The following TMEM225B variants were observed in gnomAD, a reference collection of about 807,000 sequenced individuals.
TMEM225B encodes transmembrane protein 225-like.
TMEM225B carries 10 observed loss-of-function variants against 16.9 expected under a neutral mutation model. The observed-to-expected ratio is 0.59, with a 90% CI of 0.36 to 1.00. The LOEUF is 1.00. Ranked by LOEUF, TMEM225B falls within the 50% of genes least tolerant of loss-of-function variation. TMEM225B has a pLI of 0.01. For synonymous variants in TMEM225B, 92 were observed against 109.8 expected, an observed-to-expected ratio of 0.84 and a Z score of 1.01; for missense variants, 217 against 267.0, an observed-to-expected ratio of 0.81 and a Z score of 1.30.
intron 2 of TMEM225B, among the ~76,000 whole-genome samples, chr7:99,602,843 G>T (rs1455713308): frequency 6.6e-6 from 1 of 152,056 alleles, no homozygotes; most frequent in African/African-American, 2.4e-5. Context: ...CTCCCAAGTA[G>T]CTGGGAACTA....
At position 99,610,957 on chromosome 7, in the gene TMEM225B, T is replaced by C. The variant is rs940312889; in HGVS notation, c.*392T>C. ...AGAATATACTCGGGGGAATGACAAC[T>C]ATTTGGGCTGGTGGCACAGGGGTAA... On this transcript the variant is annotated 3_prime_UTR_variant, in exon 6 of 6. Coordinates refer to ENST00000431679, the MANE Select transcript of TMEM225B (RefSeq NM_001195541.3). The C allele has an allele frequency of 6.1e-6, 1 of 162,996 alleles. No homozygotes were observed. The allele number at this position is 162,996 out of a possible 1,614,324, so 10.1% of individuals were successfully genotyped here. A position where few individuals can be genotyped will look rare whatever the true frequency, so the allele number is the denominator to read the frequency against.
At chr7:99,603,597 C>T (rs1805535548) in intron 2 of TMEM225B, among the ~76,000 whole-genome samples, 1 of 151,450 alleles carries the variant, frequency 6.6e-6, no homozygotes, top group African/African-American at 2.4e-5. Flanking sequence ...GAGGCTGAGG[C>T]AGGAGTATTG....
chr7:99,608,858 T>TATATATACAC, intron 5 of TMEM225B, among the ~76,000 whole-genome samples: 1 of 144,436 alleles, frequency 6.9e-6, no homozygotes, highest in African/African-American at 2.8e-5. Context: ...TATATATATA[T>TATATATACAC]ACACACACAC....
Position 99,611,045 on chromosome 7 carries a change from A to G in TMEM225B, c.*480A>G, listed in dbSNP as rs11763421. The stretch of plus-strand genomic sequence containing the variant: ...GATTTATTAAAGGAAGTATAAAAGT[A>G]CATTGCCGGGCTGGGCGTGGTGGCT... On this transcript the variant is annotated 3_prime_UTR_variant, in exon 6 of 6. Coordinates refer to ENST00000431679, the MANE Select transcript of TMEM225B (RefSeq NM_001195541.3). Among the ~76,000 whole-genome samples, 4 of 152,242 alleles carry G rather than the reference A, an allele frequency of 2.6e-5. 1 individual carries two copies. The East Asian group carries it at 7.7e-4, about 29-fold the overall frequency.
At chr7:99,608,694 C>G (rs1217244978) in intron 5 of TMEM225B, among the ~76,000 whole-genome samples, 1 of 145,798 alleles carries the variant, frequency 6.9e-6, no homozygotes, top group African/African-American at 2.6e-5. Context: ...CATGTGCCAC[C>G]ATGGCCAGCT....
chr7:99,600,084 G>A (rs919227826), intron 1 of TMEM225B, 121 bp from the exon 2 acceptor site: 3 of 647,708 alleles, frequency 4.6e-6, no homozygotes, highest in Non-Finnish European at 5.6e-6. Flanking sequence ...AGTGGAGGGG[G>A]CAGTGGGAAT....
At chr7:99,603,326 A>C (rs1805511814) in intron 2 of TMEM225B, among the ~76,000 whole-genome samples, 1 of 152,200 alleles carries the variant, frequency 6.6e-6, no homozygotes, top group African/African-American at 2.4e-5. Context: ...CTGAAATCCC[A>C]AAAGGAAGAC....
intron 3 of TMEM225B, among the ~76,000 whole-genome samples, chr7:99,606,197 A>G (rs1805797135): frequency 6.6e-6 from 1 of 152,244 alleles, no homozygotes; most frequent in Non-Finnish European, 1.5e-5. Flanking sequence ...TGAGAGGCCA[A>G]AATGGGAGGA....
chr7:99,610,912 A>C lies in TMEM225B; in HGVS notation c.*347A>C. 4.7e-6 allele frequency: 1 copy of C among 212,856 alleles called. No homozygotes were observed. The highest frequency in any genetic ancestry group is 9.7e-6 in the Non-Finnish European group (1 of 103,622). 13.2% of individuals were successfully genotyped at this position (212,856 alleles called of 1,614,324 possible). A position where few individuals can be genotyped will look rare whatever the true frequency, so the allele number is the denominator to read the frequency against. ...ACCAAGTGAAATGGGATTTTGTGAA[A>C]CAGAAACCGTACAGAATACAGAATA... On this transcript the variant is annotated 3_prime_UTR_variant, in exon 6 of 6. Coordinates refer to ENST00000431679, the MANE Select transcript of TMEM225B (RefSeq NM_001195541.3).
Position 99,604,400 on chromosome 7 carries a change from A to G in TMEM225B, c.12A>G (p.Leu4=), listed in dbSNP as rs1805617908. The G allele has an allele frequency of 6.5e-7, 1 of 1,535,818 alleles. No homozygotes were observed. The highest frequency in any genetic ancestry group is 2.0e-5 in the Admixed American group (1 of 50,968). MLT[L]EDKDMKGFSW... ...CTCTTACACAGGTGATGCTGACGTT[A>G]GAGGACAAGGACATGAAGGGATTCT... The change falls in exon 3 of 6, where the codon TTA becomes TTG. Residue 4 remains leucine, a synonymous_variant. Coordinates refer to ENST00000431679, the MANE Select transcript of TMEM225B (RefSeq NM_001195541.3).
intron 2 of TMEM225B, among the ~76,000 whole-genome samples, chr7:99,602,809 C>T (rs1008576131): frequency 2.0e-5 from 3 of 152,120 alleles, no homozygotes; most frequent in Admixed American, 1.3e-4. Context: ...AACTCCTGGG[C>T]TCAAGAGTTC....
At chr7:99,610,240 C>G (rs118155115) in intron 5 of TMEM225B, among the ~76,000 whole-genome samples, 153 bp from the exon 6 acceptor site, 1 of 152,102 alleles carries the variant, frequency 6.6e-6, no homozygotes, top group Non-Finnish European at 1.5e-5. Context: ...ACTTCTTGTC[C>G]TTTGACGCAT....
intron 3 of TMEM225B, among the ~76,000 whole-genome samples, chr7:99,605,273 T>C (rs1052550736): frequency 1.3e-5 from 2 of 152,120 alleles, no homozygotes; most frequent in Admixed American, 1.3e-4. Flanking sequence ...TCTGTTATTG[T>C]TGTTGCTTTT....
Position 99,610,604 on chromosome 7 carries a change from G to A in TMEM225B, c.*39G>A. 2 of 1,527,042 alleles carry A rather than the reference G, an allele frequency of 1.3e-6. No homozygotes were observed. The highest frequency in any genetic ancestry group is 1.8e-6 in the Non-Finnish European group (2 of 1,139,240). 94.6% of individuals were successfully genotyped at this position (1,527,042 alleles called of 1,614,324 possible). A position where few individuals can be genotyped will look rare whatever the true frequency, so the allele number is the denominator to read the frequency against. The stretch of plus-strand genomic sequence containing the variant: ...TTCTTTACCCTTCTTCAAGCCATGT[G>A]AGTGTACACATGTAGCTGTTTGTAG... On this transcript the variant is annotated 3_prime_UTR_variant, in exon 6 of 6. Transcript: ENST00000431679.
chr7:99,600,373 G>T, intron 2 of TMEM225B, 88 bp downstream of exon 2: 1 of 690,408 alleles, frequency 1.4e-6, no homozygotes, highest in East Asian at 2.7e-5. Context: ...CAGGGGAGTG[G>T]GGTTTGGAAA....
Position 99,610,639 on chromosome 7 carries a change from C to A in TMEM225B, c.*74C>A. On this transcript the variant is annotated 3_prime_UTR_variant, in exon 6 of 6. Transcript: ENST00000431679. ...ATGTAGCTGTTTGTAGTCCTCCCCA[C>A]CCTCTCTGCCAGTATCTGTGCCTTT... 2 of 1,341,928 alleles carry A rather than the reference C, an allele frequency of 1.5e-6. No individual in the cohort carries two copies. Among genetic ancestry groups the A allele is most frequent in the South Asian group, 1.3e-5 (1 of 74,158 alleles). 83.1% of individuals were successfully genotyped at this position (1,341,928 alleles called of 1,614,324 possible). A position where few individuals can be genotyped will look rare whatever the true frequency, so the allele number is the denominator to read the frequency against.
At chr7:99,598,259 C>T (rs1008271622), upstream of TMEM225B, 1 of 152,362 alleles carries the variant, frequency 6.6e-6, no homozygotes, top group Non-Finnish European at 1.5e-5. Flanking sequence ...GCCGGGGCCT[C>T]TGGGGCCAAC....
chr7:99,604,570 A>T lies in TMEM225B; in HGVS notation c.182A>T (p.Lys61Ile). 1 of 1,536,028 alleles carries T rather than the reference A, an allele frequency of 6.5e-7. No homozygotes were observed. The highest frequency in any genetic ancestry group is 2.4e-5 in the East Asian group (1 of 40,916). The part of the protein sequence containing the change: ...SGLFENCFNA[K>I]CWKPRPLSIY... ...CTATTTGAGAACTGCTTCAATGCCA[A>T]ATGCTGGAAGCCTCGACCCTTATCC... Residue 61 changes from lysine (K) to isoleucine (I), a missense_variant, in exon 3 of 6, where the codon AAA becomes ATA. Coordinates refer to ENST00000431679, the MANE Select transcript of TMEM225B (RefSeq NM_001195541.3).
intron 3 of TMEM225B, 36 bp downstream of exon 3, chr7:99,604,632 A>T: frequency 6.8e-7 from 1 of 1,477,662 alleles, no homozygotes. Flanking sequence ...AGAGAGAGGG[A>T]GATGGGGCCA....
Sources: allele counts gnomAD v4.1 joint callset (sites outside exome capture counted in the v4.1 genomes callset), GRCh38; gene constraint gnomAD v4.1.1; transcripts MANE v1.5; gene names NCBI Gene and HGNC (gene_info 2026-07-23, HGNC 2026-07-21).